The following NOTCH3 variants were observed in gnomAD, a reference collection of about 807,000 sequenced individuals.
NOTCH3 encodes the protein notch receptor 3.
Under a neutral mutation model 213.3 loss-of-function variants are expected in NOTCH3, and 86 were observed. The observed-to-expected ratio is 0.40, with a 90% confidence interval of 0.34 to 0.48. The LOEUF (loss-of-function observed/expected upper bound fraction) is 0.48, where lower values mean the gene tolerates loss of function less well. NOTCH3 is among the 20% of genes least tolerant of loss of function. NOTCH3 has a pLI of 0.57. For synonymous variants in NOTCH3, 1,354 were observed against 1,355.9 expected, an observed-to-expected ratio of 1.00 and a Z score of 0.03; for missense variants, 2,783 against 3,272.6, an observed-to-expected ratio of 0.85 and a Z score of 3.65.
In NOTCH3 at chr19:15,160,461, G is replaced by T; in HGVS notation, c.*201C>A. On this transcript the variant is annotated 3_prime_UTR_variant, in exon 33 of 33. Transcript: ENST00000263388. The stretch of plus-strand genomic sequence containing the variant: ...CACAAGACTGAGAGGGTGGGTGGTA[G>T]CCCCCACCCATTATAAATAAAGGAA... 1.6e-6 allele frequency: 1 copy of T among 610,940 alleles called. No homozygotes were observed. Among genetic ancestry groups the T allele is most frequent in the Non-Finnish European group, 2.9e-6 (1 of 341,466 alleles). 37.8% of individuals were successfully genotyped at this position (610,940 alleles called of 1,614,324 possible).
rs1237845279 is a variant in NOTCH3, at chr19:15,179,014, C to T, written c.3718+11G>A. The T allele has an allele frequency of 5.6e-6, 9 of 1,614,224 alleles. No individual in the cohort carries two copies. Among genetic ancestry groups the T allele is most frequent in the Non-Finnish European group, 7.6e-6 (9 of 1,180,028 alleles). On this transcript the variant is annotated intron_variant, in intron 22 of 32. Transcript: ENST00000263388. ...GCGGGGTCCCAGGCCAGCCCCTTCG[C>T]CAACGCTTACCTGAGAAGCCAGCAT...
chr19:15,169,046 T>C (rs912806167), intron 28 of NOTCH3, among the ~76,000 whole-genome samples: 1 of 152,032 alleles, frequency 6.6e-6, no homozygotes. Flanking sequence ...CCCAAGTAGC[T>C]GAAATTACTG....
chr19:15,161,982 CTTTTTT>C (rs71168583), intron 32 of NOTCH3, among the ~76,000 whole-genome samples: 1 of 114,714 alleles, frequency 8.7e-6, no homozygotes, highest in African/African-American at 3.5e-5. Context: ...TTTTTCTTGT[CTTTTTT>C]TTTTTTTTTT....
intron 25 of NOTCH3, among the ~76,000 whole-genome samples, chr19:15,171,645 G>A (rs2046735339): frequency 6.6e-6 from 1 of 152,178 alleles, no homozygotes; most frequent in Non-Finnish European, 1.5e-5. Context: ...TTACAGGCCT[G>A]GGCCACTACG....
chr19:15,183,384 T>TTGTTTGTTTG (rs2046855376), intron 16 of NOTCH3, among the ~76,000 whole-genome samples: 1 of 150,178 alleles, frequency 6.7e-6, no homozygotes, highest in Non-Finnish European at 1.5e-5. Flanking sequence ...CAGCACCCCT[T>TTGTTTGTTTG]TTTGTTTGTT....
intron 29 of NOTCH3, 53 bp downstream of exon 29, chr19:15,167,196 T>G (rs904870726): frequency 3.8e-6 from 6 of 1,583,144 alleles, no homozygotes; most frequent in Non-Finnish European, 4.3e-6. Context: ...AAATAACCTC[T>G]CACAGGTAGG....
chr19:15,191,600 T>C lies in NOTCH3; in HGVS notation c.860A>G (p.Asn287Ser). The stretch of plus-strand genomic sequence containing the variant: ...CAGCGTGTTGAAGCAGGTACCCCCA[T>C]TGTGGCAGGCGTTGGGCTGCAGCTG... The part of the protein sequence containing the change: ...ECQLQPNACH[N>S]GGTCFNTLGG... Residue 287 changes from asparagine to serine, a missense_variant, in exon 6 of 33, where the codon AAT becomes AGT. By Grantham distance (46) the Asn-to-Ser change is conservative (BLOSUM62 1). This residue lies in a region of NOTCH3 where 708 missense variants were observed against 906.6 expected (regional missense o/e 0.78). Transcript: ENST00000263388. 2 of 1,613,634 alleles carry C rather than the reference T, an allele frequency of 1.2e-6. No individual in the cohort carries two copies. The highest frequency in any genetic ancestry group is 8.5e-7 in the Non-Finnish European group (1 of 1,180,032).
rs369213416 is a variant in NOTCH3 at position 15,181,133 on chromosome 19, T to A, written c.2822A>T (p.Asp941Val). Residue 941 changes from aspartate to valine, a missense_variant, in exon 18 of 33, where the codon GAC (aspartate) becomes GTC (valine). Physicochemically the swap from Asp to Val is radical, Grantham distance 152 (BLOSUM62 -3). Coordinates refer to ENST00000263388, the MANE Select transcript of NOTCH3 (RefSeq NM_000435.3). ...CAGGCAGCTGAACGAGTTCACGCCG[T>A]CCACACAGGTCCCGCCATTGAAGCA... Reference protein sequence around the residue: ...SSCFNGGTCVDGVNSFSCLCR... With the variant: ...SSCFNGGTCVVGVNSFSCLCR... 5.6e-6 allele frequency: 9 copies of A among 1,605,728 alleles called. No homozygotes were observed. Among genetic ancestry groups the A allele is most frequent in the African/African-American group, 1.3e-5 (1 of 74,810 alleles).
At chr19:15,198,854 T>C (rs1050029670) in intron 1 of NOTCH3, among the ~76,000 whole-genome samples, 4 of 151,470 alleles carry the variant, frequency 2.6e-5, no homozygotes, top group Admixed American at 6.6e-5. Context: ...GAGGTTGCAG[T>C]GACCCGAGAT....
At chr19:15,169,679 T>C (rs1479610986) in intron 28 of NOTCH3, among the ~76,000 whole-genome samples, 1 of 152,176 alleles carries the variant, frequency 6.6e-6, no homozygotes, top group Admixed American at 6.5e-5. Context: ...CATGACTCCA[T>C]GAGCTCAGAA....
chr19:15,197,727 T>C (rs1245952547), intron 1 of NOTCH3, 149 bp from the exon 2 acceptor site: 2 of 420,678 alleles, frequency 4.8e-6, no homozygotes, highest in East Asian at 9.7e-5. Flanking sequence ...CCATCCACAG[T>C]TCCCACGCCC....
chr19:15,179,343 C>T, intron 21 of NOTCH3, 21 bp downstream of exon 21: 1 of 1,611,098 alleles, frequency 6.2e-7, no homozygotes, highest in Non-Finnish European at 8.5e-7. Context: ...TCCTGTCCCC[C>T]CAACCCTGGC....
At position 15,178,806 on chromosome 19, in the gene NOTCH3, C is replaced by A; in HGVS notation, c.3837+17G>T. 1.3e-6 allele frequency: 2 copies of A among 1,567,984 alleles called. No homozygotes were observed. The highest frequency in any genetic ancestry group is 2.3e-5 in the South Asian group (2 of 86,746). ...CACGCCCCTACTCCTCCTCCAAAGG[C>A]CGCCACCCACACCTACCTGGGCACA... On this transcript the variant is annotated intron_variant, in intron 23 of 32. Coordinates refer to ENST00000263388, the MANE Select transcript of NOTCH3 (RefSeq NM_000435.3).
chr19:15,165,520 G>A lies in NOTCH3; in HGVS notation c.5668-5C>T, dbSNP rs1432930619. 3 of 1,610,936 alleles carry A rather than the reference G, an allele frequency of 1.9e-6. No individual in the cohort carries two copies. The African/African-American group carries it at 4.0e-5, about 22-fold the overall frequency. ...AGAGCGGTTTCGGATGAGAATCTAG[G>A]ACAGAGAGTGGATGCAGCAGGAGGG... On this transcript the variant is annotated splice_region_variant and splice_polypyrimidine_tract_variant and intron_variant, in intron 30 of 32. Coordinates refer to ENST00000263388, the MANE Select transcript of NOTCH3 (RefSeq NM_000435.3). The surrounding 1 kb of genome is among the most constrained non-coding windows in gnomAD (Gnocchi z 4.7).
Position 15,189,391 on chromosome 19 carries a change from G to T in NOTCH3, c.1074C>A (p.Asn358Lys). The T allele has an allele frequency of 3.7e-6, 6 of 1,613,900 alleles. No individual in the cohort carries two copies. Among genetic ancestry groups the T allele is most frequent in the Non-Finnish European group, 4.2e-6 (5 of 1,180,042 alleles). The change falls in exon 7 of 33, where the codon AAC (asparagine) becomes AAA (lysine). Residue 358 changes from asparagine (N) to lysine (K), a missense_variant. Physicochemically the swap from Asn to Lys is moderately conservative, Grantham distance 94. Around this residue, in one of 6 missense-constraint regions of NOTCH3, gnomAD observed 708 missense variants for 906.6 expected, o/e 0.78. Transcript: ENST00000263388. ...CACAGATAGCATCCTCGTGGCAGGG[G>T]TTGCTGACACAGGCGTCATCCAGGT... The part of the protein sequence containing the change: ...LCHLDDACVS[N>K]PCHEDAICDT...
rs1454170074 is a variant in NOTCH3, at chr19:15,160,089, T to G, written c.*573A>C. On this transcript the variant is annotated 3_prime_UTR_variant, in exon 33 of 33. Coordinates refer to ENST00000263388, the MANE Select transcript of NOTCH3 (RefSeq NM_000435.3). ...CCCAGTGGGTGCGCCCAAGGGTGCC[T>G]ACTTGGTACATACCTGGGTCGTGTA... 2 of 233,636 alleles carry G rather than the reference T, an allele frequency of 8.6e-6. No individual in the cohort carries two copies. 14.5% of individuals were successfully genotyped at this position (233,636 alleles called of 1,614,324 possible).
intron 2 of NOTCH3, among the ~76,000 whole-genome samples, chr19:15,196,451 G>C (rs2046971445): frequency 6.6e-6 from 1 of 152,110 alleles, no homozygotes; most frequent in South Asian, 2.1e-4. Context: ...AATAAATGTA[G>C]GTGTAACTTC....
chr19:15,160,770 T>TGCCCCAGTGGTGGTGGCCATG lies in NOTCH3; in HGVS notation c.6837_6857dup (p.Met2280_Ala2286dup), dbSNP rs2046633339. On this transcript the variant is annotated inframe_insertion, in exon 33 of 33. Coordinates refer to ENST00000263388, the MANE Select transcript of NOTCH3 (RefSeq NM_000435.3). The stretch of plus-strand genomic sequence containing the variant: ...ACAAGGGAAGTGGCTGGGCAGGCAG[T>TGCCCCAGTGGTGGTGGCCATG]GCCCCAGTGGTGGTGGCCATGGCCC... The TGCCCCAGTGGTGGTGGCCATG allele has an allele frequency of 6.2e-7, 1 of 1,613,898 alleles. No homozygotes were observed. The highest frequency in any genetic ancestry group is 8.5e-7 in the Non-Finnish European group (1 of 1,179,936).
rs532042327 is a variant in NOTCH3, at chr19:15,185,728, A to G, written c.1952-49T>C. The stretch of plus-strand genomic sequence containing the variant: ...ATCTCAGAACAAAGTCAGCAGGGAC[A>G]ACCAGGGAGGGACGACGTGACCCCA... On this transcript the variant is annotated intron_variant, in intron 12 of 32. Transcript: ENST00000263388. This position sits in a 1 kb window ranked among gnomAD's most constrained non-coding sequence, Gnocchi z 4.2. 1.3e-6 allele frequency: 2 copies of G among 1,597,134 alleles called. No homozygotes were observed. The highest frequency in any genetic ancestry group is 2.2e-5 in the South Asian group (2 of 90,804).
Sources: gnomAD v4.1 joint callset for allele counts (sites outside exome capture counted in the v4.1 genomes callset) on GRCh38, gnomAD v4.1.1 for gene constraint, gnomAD v4.1.1 regional missense constraint, Gnocchi (gnomAD v3.1) non-coding constraint, MANE v1.5 for transcripts, NCBI Gene and HGNC (gene_info 2026-07-23, HGNC 2026-07-21) for gene names.